LRMDA: variants seen among roughly 807,000 people sequenced by gnomAD.
LRMDA encodes leucine rich melanocyte differentiation associated.
Under a neutral mutation model 29.8 loss-of-function variants are expected in LRMDA, and 18 were observed. That is an observed-to-expected ratio of 0.60 (90% CI 0.42 to 0.90). LRMDA has a LOEUF of 0.90. Ranked by LOEUF, LRMDA falls within the 40% of genes least tolerant of loss-of-function variation. The pLI is 0.00. For missense variants in LRMDA, 273 were observed against 273.9 expected, an observed-to-expected ratio of 1.00 and a Z score of 0.02; for synonymous variants, 125 against 109.4, an observed-to-expected ratio of 1.14 and a Z score of -0.89.
chr10:75,920,076 G>C (rs1846001961), intron 2 of LRMDA, among the ~76,000 whole-genome samples: 1 of 152,102 alleles, frequency 6.6e-6, no homozygotes, highest in Non-Finnish European at 1.5e-5. Context: ...CTCAATGCTT[G>C]ATTCTCCTGG....
intron 2 of LRMDA, among the ~76,000 whole-genome samples, chr10:75,704,626 G>C (rs1842345752): frequency 6.6e-6 from 1 of 152,092 alleles, no homozygotes; most frequent in African/African-American, 2.4e-5. Context: ...TCTCATGTTG[G>C]CCATATGGAA....
intron 6 of LRMDA, among the ~76,000 whole-genome samples, chr10:76,363,176 A>AGAAAGAAAGAAAGAAAGAAAGAAGGGAG (rs1459442138): frequency 9.2e-5 from 2 of 21,750 alleles, no homozygotes; most frequent in African/African-American, 1.5e-4. Flanking sequence ...AAAGAAAGAA[A>AGAAAGAAAGAAAGAAAGAAAGAAGGGAG]GGAGGGAGGG....
intron 2 of LRMDA, among the ~76,000 whole-genome samples, chr10:75,523,410 G>A (rs756942899): frequency 1.3e-4 from 20 of 152,266 alleles, no homozygotes; most frequent in South Asian, 1.2e-3. Flanking sequence ...CATAAAACAG[G>A]CGCCCAGTTC....
chr10:75,779,928 T>C (rs919819010), intron 2 of LRMDA, among the ~76,000 whole-genome samples: 1 of 152,074 alleles, frequency 6.6e-6, no homozygotes, highest in South Asian at 2.1e-4. Flanking sequence ...CGAGATGAAA[T>C]CATACTGGAT....
At position 75,931,616 on chromosome 10, in the gene LRMDA, A is replaced by G. The variant is rs545720604; in HGVS notation, c.132-104392A>G. On this transcript the variant is annotated intron_variant, in intron 2 of 6. Transcript: ENST00000611255. ...AATGGAAGGAAAATGCAAAACCAGA[A>G]TCTGTATTATTTCCTTCCTCTAAGC... Among the ~76,000 whole-genome samples the G allele has an allele frequency of 2.6e-5, 4 of 152,334 alleles. No individual in the cohort carries two copies. In the South Asian group the frequency reaches 8.3e-4, roughly 32 times the overall value.
chr10:75,507,904 C>T (rs1205151956), intron 2 of LRMDA, among the ~76,000 whole-genome samples: 2 of 152,224 alleles, frequency 1.3e-5, no homozygotes, highest in Non-Finnish European at 2.9e-5. Context: ...ATCTATAAAG[C>T]CCTGGCCTAG....
Position 75,442,592 on chromosome 10 carries a change from A to G in LRMDA, c.131+4098A>G, listed in dbSNP as rs145250027. ...ATGCAGATTTATTTCTGGGCTCTCTATTTTATTCCGTTGGTCTATATGTCT... is the reference window on the plus strand; with the variant it reads ...ATGCAGATTTATTTCTGGGCTCTCTGTTTTATTCCGTTGGTCTATATGTCT... On this transcript the variant is annotated intron_variant, in intron 2 of 6. Transcript: ENST00000611255. Among the ~76,000 whole-genome samples the G allele has an allele frequency of 1.4e-4, 21 of 152,110 alleles. No individual in the cohort carries two copies. The East Asian group carries it at 3.5e-3, about 25-fold the overall frequency.
At chr10:75,903,610 C>T (rs1439722509) in intron 2 of LRMDA, among the ~76,000 whole-genome samples, 2 of 152,164 alleles carry the variant, frequency 1.3e-5, no homozygotes, top group Non-Finnish European at 2.9e-5. Flanking sequence ...TGACTAGGAT[C>T]CTTGAATGAA....
chr10:75,906,057 C>G (rs1348817701), intron 2 of LRMDA, among the ~76,000 whole-genome samples: 1 of 151,586 alleles, frequency 6.6e-6, no homozygotes, highest in Non-Finnish European at 1.5e-5. Flanking sequence ...AGTCCCAGCT[C>G]TCACCCCAGC....
chr10:75,923,159 C>T (rs1268620086), intron 2 of LRMDA, among the ~76,000 whole-genome samples: 1 of 152,214 alleles, frequency 6.6e-6, no homozygotes, highest in Non-Finnish European at 1.5e-5. Flanking sequence ...CTTCCATAGT[C>T]ACTGAATTTT....
intron 2 of LRMDA, among the ~76,000 whole-genome samples, chr10:75,623,798 A>G (rs1348190225): frequency 6.6e-6 from 1 of 152,210 alleles, no homozygotes; most frequent in Non-Finnish European, 1.5e-5. Flanking sequence ...TTTATCAGCC[A>G]AAGTGGTTTC....
At chr10:75,740,631 G>A (rs957125872) in intron 2 of LRMDA, among the ~76,000 whole-genome samples, 5 of 152,138 alleles carry the variant, frequency 3.3e-5, no homozygotes, top group Non-Finnish European at 5.9e-5. Flanking sequence ...ACAGAGAGGC[G>A]GAAACTGTAC....
chr10:75,979,513 A>G (rs1189873445), intron 2 of LRMDA, among the ~76,000 whole-genome samples: 1 of 152,168 alleles, frequency 6.6e-6, no homozygotes, highest in Non-Finnish European at 1.5e-5. Flanking sequence ...CTGTAAGCTA[A>G]GTGTTCTTTT....
intron 2 of LRMDA, among the ~76,000 whole-genome samples, chr10:75,689,157 A>G (rs1457203402): frequency 6.6e-6 from 1 of 152,144 alleles, no homozygotes; most frequent in East Asian, 1.9e-4. Context: ...CTAAAGAAGT[A>G]TTTTTCTCTT....
intron 2 of LRMDA, among the ~76,000 whole-genome samples, chr10:75,586,371 A>ATTTTTG (rs1840656259): frequency 4.9e-5 from 1 of 20,354 alleles, no homozygotes; most frequent in African/African-American, 1.7e-4. Context: ...TTTTTTTTTA[A>ATTTTTG]ATTAGAGACA....
At chr10:76,154,129 C>A (rs1271560332) in intron 5 of LRMDA, among the ~76,000 whole-genome samples, 1 of 152,124 alleles carries the variant, frequency 6.6e-6, no homozygotes, top group East Asian at 1.9e-4. Context: ...TGGATAGAAC[C>A]CCTTTTCTTT....
intron 5 of LRMDA, among the ~76,000 whole-genome samples, chr10:76,184,003 T>A (rs1004494013): frequency 6.6e-6 from 1 of 151,482 alleles, no homozygotes; most frequent in Non-Finnish European, 1.5e-5. Context: ...ATTACAAGTG[T>A]GAGCCACCCC....
intron 2 of LRMDA, among the ~76,000 whole-genome samples, chr10:75,986,725 G>A (rs947312216): frequency 1.3e-5 from 2 of 152,318 alleles, no homozygotes; most frequent in African/African-American, 4.8e-5. Context: ...GTTTCCCCAG[G>A]CCTAGGCCAC....
At chr10:76,141,454 T>C (rs1850198836) in intron 5 of LRMDA, among the ~76,000 whole-genome samples, 1 of 152,158 alleles carries the variant, frequency 6.6e-6, no homozygotes, top group Non-Finnish European at 1.5e-5. Context: ...TAGTTAAAGA[T>C]CATGTGTAAT....
Sources: allele counts gnomAD v4.1 joint callset (sites outside exome capture counted in the v4.1 genomes callset), GRCh38; gene constraint gnomAD v4.1.1; transcripts MANE v1.5; gene names NCBI Gene and HGNC (gene_info 2026-07-23, HGNC 2026-07-21).